Variants in ADCY2 observed in about 807,000 individuals in gnomAD.
ADCY2 encodes adenylate cyclase type 2.
In ADCY2, 31 loss-of-function variants were observed where a neutral mutation model predicts 125.2. The ratio of observed to expected loss-of-function variants is 0.25; its 90% confidence interval spans 0.19 to 0.33. The LOEUF (loss-of-function observed/expected upper bound fraction) is 0.33. Among genes scored for constraint, ADCY2 ranks in the 10% least tolerant of loss-of-function variants. The pLI is 1.00. For missense variants in ADCY2, 904 were observed against 1,418.2 expected (o/e 0.64, Z 5.82); for synonymous variants, 512 against 548.4 (o/e 0.93, Z 0.93).
rs759460345 is a variant in ADCY2, at chr5:7,724,524, G to A, written c.1704-21G>A. On this transcript the variant is annotated intron_variant, in intron 12 of 24. Transcript: ENST00000338316. ...GATTGGAGATTCAGTTTTATGATGT[G>A]TTGGCCCTTTCTATTTCCAGGCAAT... The A allele has an allele frequency of 5.0e-6, 8 of 1,591,900 alleles. No individual in the cohort carries two copies. In the Admixed American group the frequency reaches 5.1e-5, roughly 10 times the overall value.
At chr5:7,769,107 T>C (rs985376616) in intron 17 of ADCY2, among the ~76,000 whole-genome samples, 1 of 152,216 alleles carries the variant, frequency 6.6e-6, no homozygotes, top group Non-Finnish European at 1.5e-5. Context: ...ATAACTCTTC[T>C]AAGTGGTAAT....
At chr5:7,696,120 A>G (rs554781532) in intron 6 of ADCY2, among the ~76,000 whole-genome samples, 1 of 152,354 alleles carries the variant, frequency 6.6e-6, no homozygotes, top group East Asian at 1.9e-4. Context: ...CAGCACACAT[A>G]TAATAAATAC....
intron 3 of ADCY2, among the ~76,000 whole-genome samples, chr5:7,576,354 A>G (rs1736248606): frequency 6.6e-6 from 1 of 152,268 alleles, no homozygotes; most frequent in South Asian, 2.1e-4. Flanking sequence ...GTGAACGGGC[A>G]GAGGCCCGTT....
intron 3 of ADCY2, among the ~76,000 whole-genome samples, chr5:7,598,823 T>C (rs537936330): frequency 1.5e-4 from 23 of 152,308 alleles, no homozygotes; most frequent in African/African-American, 5.3e-4. Context: ...GACACCTGCA[T>C]TGAGATGAAG....
rs780755592 is a variant in ADCY2, at chr5:7,802,849, AAT to A, written c.2775+486_2775+487del. ...AGGAGGGACAGAGTGTCTGTTTTAG[AAT>A]TTGAAATAGATGTTATTTTTCAACT... On this transcript the variant is annotated intron_variant, in intron 21 of 24. Coordinates refer to ENST00000338316, the MANE Select transcript of ADCY2 (RefSeq NM_020546.3). This position sits in a 1 kb window ranked among gnomAD's most constrained non-coding sequence, Gnocchi z 4.6. Among the ~76,000 whole-genome samples the A allele has an allele frequency of 1.2e-4, 18 of 152,178 alleles. No individual in the cohort carries two copies. The highest frequency in any genetic ancestry group is 3.9e-4 in the African/African-American group (16 of 41,444).
intron 3 of ADCY2, among the ~76,000 whole-genome samples, chr5:7,622,070 T>A (rs1423052559): frequency 6.6e-6 from 1 of 152,148 alleles, no homozygotes; most frequent in African/African-American, 2.4e-5. Flanking sequence ...AGCAAGAAGA[T>A]AAAAGGAGAC....
chr5:7,432,919 G>GTTGTACTGCTTATTGTACTA (rs1740661255), intron 2 of ADCY2, among the ~76,000 whole-genome samples: 1 of 12,130 alleles, frequency 8.2e-5, no homozygotes, highest in Admixed American at 4.9e-4. Flanking sequence ...TTATTGTACT[G>GTTGTACTGCTTATTGTACTA]CATGATGTAC....
intron 3 of ADCY2, among the ~76,000 whole-genome samples, chr5:7,577,654 C>T (rs951179150): frequency 3.3e-5 from 5 of 151,828 alleles, no homozygotes; most frequent in Non-Finnish European, 7.4e-5. Flanking sequence ...CTGCGTATGC[C>T]GTGTCCCCTA....
intron 4 of ADCY2, among the ~76,000 whole-genome samples, chr5:7,682,118 G>C (rs2126715482): frequency 6.6e-6 from 1 of 152,300 alleles, no homozygotes; most frequent in Middle Eastern, 3.4e-3. Context: ...TAAGTGCTGA[G>C]AGAATTAAGC....
chr5:7,457,176 T>C (rs1040123360), intron 2 of ADCY2, among the ~76,000 whole-genome samples: 1 of 152,218 alleles, frequency 6.6e-6, no homozygotes, highest in Non-Finnish European at 1.5e-5. Context: ...ACTATACTCA[T>C]CTGCATTGAG....
chr5:7,625,765 C>T (rs188717833), intron 3 of ADCY2, among the ~76,000 whole-genome samples: 1 of 152,184 alleles, frequency 6.6e-6, no homozygotes, highest in Non-Finnish European at 1.5e-5. Context: ...TGTCTCTCAT[C>T]CTGGGACTGG....
intron 22 of ADCY2, among the ~76,000 whole-genome samples, chr5:7,805,930 A>AT (rs1167879643): frequency 1.3e-5 from 2 of 152,130 alleles, no homozygotes; most frequent in Non-Finnish European, 2.9e-5. Context: ...TCAGATTATT[A>AT]TTTTTTAATG....
intron 15 of ADCY2, among the ~76,000 whole-genome samples, chr5:7,752,894 CTTTTTTTT>C (rs11319936): frequency 3.2e-5 from 3 of 94,386 alleles, no homozygotes; most frequent in Non-Finnish European, 6.4e-5. Flanking sequence ...TAGGATTTTC[CTTTTTTTT>C]TTTTTTTTTT....
intron 6 of ADCY2, 106 bp downstream of exon 6, chr5:7,695,969 G>T: frequency 1.5e-6 from 1 of 665,912 alleles, no homozygotes; most frequent in South Asian, 2.4e-5. Context: ...GCATCCTTTA[G>T]GAACATTGTT....
At chr5:7,822,248 T>C (rs1178809646) in intron 24 of ADCY2, among the ~76,000 whole-genome samples, 1 of 152,218 alleles carries the variant, frequency 6.6e-6, no homozygotes, top group Non-Finnish European at 1.5e-5. Flanking sequence ...AAAAGCCATT[T>C]TGTATCATGG....
rs548256898 is a variant in ADCY2 at position 7,827,240 on chromosome 5, G to T, written c.*369G>T. 3 of 191,422 alleles carry T rather than the reference G, an allele frequency of 1.6e-5. No individual in the cohort carries two copies. In the Admixed American group the frequency reaches 1.6e-4, roughly 10 times the overall value. The allele number at this position is 191,422 out of a possible 1,614,324, so 11.9% of individuals were successfully genotyped here. On this transcript the variant is annotated 3_prime_UTR_variant, in exon 25 of 25. Coordinates refer to ENST00000338316, the MANE Select transcript of ADCY2 (RefSeq NM_020546.3). Reference sequence around the variant, plus strand: ...TGGAAAATATGGTAGCTCGCCAACCGCATCTGCTCATCTGATATTCAAACA... The same window carrying T: ...TGGAAAATATGGTAGCTCGCCAACCTCATCTGCTCATCTGATATTCAAACA...
chr5:7,511,915 A>G (rs1744076654), intron 2 of ADCY2, among the ~76,000 whole-genome samples: 1 of 151,944 alleles, frequency 6.6e-6, no homozygotes, highest in South Asian at 2.1e-4. Flanking sequence ...ATTTATTCTA[A>G]GTGTTACAGA....
At chr5:7,573,273 G>A (rs534480995) in intron 3 of ADCY2, among the ~76,000 whole-genome samples, 2 of 152,326 alleles carry the variant, frequency 1.3e-5, no homozygotes, top group South Asian at 4.1e-4. Flanking sequence ...TTGAAGTGAA[G>A]CTTGTTTTCT....
intron 3 of ADCY2, among the ~76,000 whole-genome samples, chr5:7,555,566 A>G (rs1735484102): frequency 6.6e-6 from 1 of 152,188 alleles, no homozygotes; most frequent in Non-Finnish European, 1.5e-5. Flanking sequence ...GTATATGTCC[A>G]TAGTCAAAAA....
Sources: allele counts gnomAD v4.1 joint callset (sites outside exome capture counted in the v4.1 genomes callset), GRCh38; gene constraint gnomAD v4.1.1; non-coding constraint Gnocchi (gnomAD v3.1); transcripts MANE v1.5; gene names NCBI Gene and HGNC (gene_info 2026-07-23, HGNC 2026-07-21).